Variants in GOLM1 observed in about 807,000 individuals in gnomAD.
GOLM1 encodes the protein epididymis luminal protein 46.
Under a neutral mutation model 50.5 loss-of-function variants are expected in GOLM1, and 31 were observed. The observed-to-expected ratio is 0.61, with a 90% CI of 0.46 to 0.83. The LOEUF (loss-of-function observed/expected upper bound fraction) is 0.83, where lower values mean the gene tolerates loss of function less well. GOLM1 is among the 40% of genes least tolerant of loss of function. The pLI, the probability that GOLM1 is intolerant of heterozygous loss-of-function variation, is 0.00. For missense variants in GOLM1, 491 were observed against 501.3 expected, an observed-to-expected ratio of 0.98 and a Z score of 0.20; for synonymous variants, 178 against 192.8, an observed-to-expected ratio of 0.92 and a Z score of 0.64.
At chr9:86,037,743 C>T (rs911997220) in intron 6 of GOLM1, among the ~76,000 whole-genome samples, 10 of 152,270 alleles carry the variant, frequency 6.6e-5, no homozygotes, top group African/African-American at 2.2e-4. Context: ...CAGAGAGTCC[C>T]GGCTCACCAG....
At chr9:86,067,786 T>G (rs918692946) in intron 3 of GOLM1, among the ~76,000 whole-genome samples, 13 of 152,118 alleles carry the variant, frequency 8.5e-5, no homozygotes, top group Admixed American at 7.9e-4. Flanking sequence ...GCGGATCACC[T>G]GAGGTCAGGA....
At chr9:86,070,215 C>T (rs1834408214) in intron 3 of GOLM1, among the ~76,000 whole-genome samples, 1 of 152,130 alleles carries the variant, frequency 6.6e-6, no homozygotes, top group Non-Finnish European at 1.5e-5. Context: ...AAAAACAAAA[C>T]AAAACTGCAA....
At chr9:86,033,617 T>C (rs1455220215) in intron 8 of GOLM1, among the ~76,000 whole-genome samples, 1 of 152,154 alleles carries the variant, frequency 6.6e-6, no homozygotes, top group African/African-American at 2.4e-5. Flanking sequence ...TGGCCCTAAA[T>C]ACAAGGGTGC....
Position 86,035,615 on chromosome 9 carries a change from A to G in GOLM1, c.768T>C (p.Asn256=). Residue 256 remains asparagine (N), a synonymous_variant, in exon 8 of 10, where the codon AAT becomes AAC. Transcript: ENST00000388712. The part of the protein sequence containing the change: ...SKRQVEKEET[N]EIQVVNEEPQ... The stretch of plus-strand genomic sequence containing the variant: ...GCTCCTCATTCACCACCTGGATCTC[A>G]TTGGTTTCCTCTGTGCACAGAACAC... 1 of 1,570,816 alleles carries G rather than the reference A, an allele frequency of 6.4e-7. No individual in the cohort carries two copies. Among genetic ancestry groups the G allele is most frequent in the South Asian group, 1.1e-5 (1 of 90,286 alleles).
chr9:86,051,125 A>G (rs1419743495), intron 4 of GOLM1, among the ~76,000 whole-genome samples: 2 of 152,308 alleles, frequency 1.3e-5, no homozygotes, highest in East Asian at 3.9e-4. Context: ...TTATGTACCC[A>G]GTAGTCATTC....
rs555654738 is a variant in GOLM1 at position 86,053,790 on chromosome 9, G to C, written c.310-1199C>G. 2.4e-4 allele frequency among the ~76,000 whole-genome samples: 6 copies of C among 25,512 alleles called. No homozygotes were observed. In the South Asian group the frequency reaches 8.6e-3, roughly 37 times the overall value. 16.7% of individuals were successfully genotyped at this position (25,512 alleles called of 152,430 possible). On this transcript the variant is annotated intron_variant, in intron 3 of 9. Coordinates refer to ENST00000388712, the MANE Select transcript of GOLM1 (RefSeq NM_016548.4). ...CACCAAACCATACACATCACATACC[G>C]CTCCACACAACACCATACACCACAC... is the stretch of plus-strand genomic sequence containing the variant.
At chr9:86,035,646 G>A in intron 7 of GOLM1, 21 bp from the exon 8 acceptor site, 1 of 1,414,644 alleles carries the variant, frequency 7.1e-7, no homozygotes, top group Non-Finnish European at 9.6e-7. Flanking sequence ...AACACAGTTA[G>A]CTGTGACCTT....
chr9:86,060,859 C>G (rs1055018211), intron 3 of GOLM1, among the ~76,000 whole-genome samples: 1 of 83,110 alleles, frequency 1.2e-5, no homozygotes, highest in Non-Finnish European at 2.4e-5. Flanking sequence ...GCCTGGGCAA[C>G]AAGAGCGAAA....
intron 4 of GOLM1, among the ~76,000 whole-genome samples, chr9:86,047,969 G>A (rs900124877): frequency 6.6e-6 from 1 of 151,974 alleles, no homozygotes; most frequent in Non-Finnish European, 1.5e-5. Context: ...ATGTTGGTGT[G>A]CTGCACCCAT....
At chr9:86,045,054 C>T (rs1260029034) in intron 5 of GOLM1, among the ~76,000 whole-genome samples, 1 of 152,120 alleles carries the variant, frequency 6.6e-6, no homozygotes, top group African/African-American at 2.4e-5. Flanking sequence ...CATCGCATGT[C>T]TATCTAATTT....
At chr9:86,041,856 C>T (rs1184413097) in intron 5 of GOLM1, among the ~76,000 whole-genome samples, 1 of 152,262 alleles carries the variant, frequency 6.6e-6, no homozygotes, top group Admixed American at 6.5e-5. Context: ...CAGTGGCTCA[C>T]GCCTGTAATC....
chr9:86,044,312 C>T (rs767663598), intron 5 of GOLM1, among the ~76,000 whole-genome samples: 2 of 152,224 alleles, frequency 1.3e-5, no homozygotes, highest in African/African-American at 4.8e-5. Context: ...TGCTCATGTC[C>T]TCTACAGAGA....
intron 1 of GOLM1, among the ~76,000 whole-genome samples, chr9:86,094,721 G>A (rs1835302678): frequency 6.6e-6 from 1 of 152,126 alleles, no homozygotes; most frequent in Non-Finnish European, 1.5e-5. Flanking sequence ...CTTGAGCCCA[G>A]GAATTCGAGA....
intron 3 of GOLM1, among the ~76,000 whole-genome samples, chr9:86,052,944 A>ACACCG (rs929356533): frequency 4.6e-5 from 1 of 21,966 alleles, no homozygotes; most frequent in Non-Finnish European, 1.0e-4. Flanking sequence ...CAGCAACCTC[A>ACACCG]CACCGCACCA....
At chr9:86,053,544 CCA>C (rs2118741256) in intron 3 of GOLM1, among the ~76,000 whole-genome samples, 2 of 99,560 alleles carry the variant, frequency 2.0e-5, no homozygotes, top group East Asian at 2.6e-4. Flanking sequence ...CCAAACCACA[CCA>C]AACACACACT....
intron 4 of GOLM1, among the ~76,000 whole-genome samples, chr9:86,047,527 CAGAG>C (rs139662861): frequency 6.6e-6 from 1 of 151,954 alleles, no homozygotes; most frequent in African/African-American, 2.4e-5. Context: ...TGGGCCTAGA[CAGAG>C]AGGGGACTGG....
chr9:86,063,601 A>G (rs1029523374), intron 3 of GOLM1, among the ~76,000 whole-genome samples: 1 of 152,150 alleles, frequency 6.6e-6, no homozygotes, highest in Non-Finnish European at 1.5e-5. Flanking sequence ...TAAGTGAAAA[A>G]ACAGCTACCT....
chr9:86,077,481 C>A lies in GOLM1; in HGVS notation c.240G>T (p.Gln80His). The A allele has an allele frequency of 6.2e-7, 1 of 1,614,080 alleles. No homozygotes were observed. The highest frequency in any genetic ancestry group is 1.1e-5 in the South Asian group (1 of 91,088). The change falls in exon 3 of 10, where the codon CAG becomes CAT. Residue 80 changes from glutamine (Q) to histidine (H), a missense_variant. Coordinates refer to ENST00000388712, the MANE Select transcript of GOLM1 (RefSeq NM_016548.4). Reference sequence around the variant, plus strand: ...TGTGGCTGGACTGGATTTTGTCAAGCTGCTCCCGCTGCTTCTCCAGCTCTC... The same window carrying A: ...TGTGGCTGGACTGGATTTTGTCAAGATGCTCCCGCTGCTTCTCCAGCTCTC... The part of the protein sequence containing the change: ...FQGELEKQRE[Q>H]LDKIQSSHNF...
At chr9:86,031,470 T>G (rs1028835588) in intron 9 of GOLM1, among the ~76,000 whole-genome samples, 48 of 144,286 alleles carry the variant, frequency 3.3e-4, no homozygotes, top group African/African-American at 1.3e-3. Context: ...TTTTTTTTTT[T>G]TTTTCCCCGA....
Sources: gnomAD v4.1 joint callset for allele counts (sites outside exome capture counted in the v4.1 genomes callset) on GRCh38, gnomAD v4.1.1 for gene constraint, MANE v1.5 for transcripts, NCBI Gene and HGNC (gene_info 2026-07-23, HGNC 2026-07-21) for gene names.